Variants in KCMF1 observed in about 807,000 individuals in gnomAD.
KCMF1 encodes potassium channel modulatory factor 1, also known as E3 ubiquitin-protein ligase KCMF1.
In KCMF1, 3 loss-of-function variants were observed where a neutral mutation model predicts 41.1. The observed-to-expected ratio is 0.07, with a 90% confidence interval of 0.03 to 0.19. The LOEUF (loss-of-function observed/expected upper bound fraction) is 0.19. KCMF1 is among the 10% of genes least tolerant of loss of function. The pLI is 1.00. For synonymous variants in KCMF1, 142 were observed against 164.5 expected (o/e 0.86, Z 1.04); for missense variants, 286 against 488.9 (o/e 0.58, Z 3.91).
intron 1 of KCMF1, among the ~76,000 whole-genome samples, chr2:84,973,131 C>G (rs529034683): frequency 7.2e-5 from 11 of 152,314 alleles, no homozygotes; most frequent in Non-Finnish European, 1.3e-4. Context: ...GCTGCAAGCT[C>G]TCTTACTCTT....
chr2:84,973,700 C>G (rs1383703724), intron 1 of KCMF1, among the ~76,000 whole-genome samples: 1 of 152,088 alleles, frequency 6.6e-6, no homozygotes, highest in African/African-American at 2.4e-5. Flanking sequence ...AAGACTTTGA[C>G]CTATCAGTAA....
At chr2:85,023,949 T>C (rs1675018745) in intron 1 of KCMF1, among the ~76,000 whole-genome samples, 2 of 152,210 alleles carry the variant, frequency 1.3e-5, no homozygotes, top group Non-Finnish European at 2.9e-5. Context: ...TGCACTTCTT[T>C]GATGACTAAT....
chr2:85,013,053 G>A (rs942571762), intron 1 of KCMF1, among the ~76,000 whole-genome samples: 1 of 152,028 alleles, frequency 6.6e-6, no homozygotes, highest in African/African-American at 2.4e-5. Context: ...GTTGTGTCAG[G>A]GTGAGTCTGT....
intron 1 of KCMF1, among the ~76,000 whole-genome samples, chr2:84,993,423 T>C (rs1674094950): frequency 1.3e-5 from 2 of 151,986 alleles, no homozygotes; most frequent in Admixed American, 6.6e-5. Context: ...GATAATCACT[T>C]TTTTCTGTTG....
intron 1 of KCMF1, among the ~76,000 whole-genome samples, chr2:85,005,292 A>T (rs545442417): frequency 8.7e-5 from 13 of 149,184 alleles, no homozygotes; most frequent in Admixed American, 6.7e-4. Flanking sequence ...TTATTTATTT[A>T]TTTATTTTTT....
At chr2:85,048,720 T>C (rs1475069599) in intron 5 of KCMF1, among the ~76,000 whole-genome samples, 1 of 152,222 alleles carries the variant, frequency 6.6e-6, no homozygotes, top group African/African-American at 2.4e-5. Flanking sequence ...CTAAGTAGGC[T>C]GTACAGTCAG....
At chr2:85,036,653 G>A (rs1036239368) in intron 3 of KCMF1, among the ~76,000 whole-genome samples, 4 of 151,806 alleles carry the variant, frequency 2.6e-5, no homozygotes, top group African/African-American at 4.8e-5. Context: ...TTAGCTGGAC[G>A]TGGTGGCACA....
rs146981605 is a variant in KCMF1 at position 85,038,597 on chromosome 2, TTTC to T, written c.324+3460_324+3462del. Among the ~76,000 whole-genome samples the T allele has an allele frequency of 2.7e-3, 405 of 152,306 alleles. 2 individuals are homozygous for T. The highest frequency in any genetic ancestry group is 8.4e-3 in the African/African-American group (349 of 41,550). ...CATTTAGTTAACTCAGTAGAATGTC[TTTC>T]TTCTTCTTCTTCTTCTTTTTTTTCT... On this transcript the variant is annotated intron_variant, in intron 3 of 6. Coordinates refer to ENST00000409785, the MANE Select transcript of KCMF1 (RefSeq NM_020122.5).
chr2:84,979,302 C>T (rs1673641173), intron 1 of KCMF1, among the ~76,000 whole-genome samples: 1 of 152,108 alleles, frequency 6.6e-6, no homozygotes, highest in Non-Finnish European at 1.5e-5. Context: ...ATGGGTGGAT[C>T]ACTTAAGGTC....
intron 1 of KCMF1, among the ~76,000 whole-genome samples, chr2:85,016,961 C>T (rs1018665818): frequency 2.0e-5 from 3 of 151,870 alleles, no homozygotes; most frequent in African/African-American, 4.8e-5. Context: ...CCACTGCGCC[C>T]AGCCTAGTTC....
intron 1 of KCMF1, among the ~76,000 whole-genome samples, chr2:84,999,580 A>T (rs951780553): frequency 6.6e-6 from 1 of 152,262 alleles, no homozygotes; most frequent in African/African-American, 2.4e-5. Flanking sequence ...CCTACTTACA[A>T]TAAATAAGTT....
intron 6 of KCMF1, among the ~76,000 whole-genome samples, chr2:85,050,223 TA>T (rs1353397632): frequency 2.4e-4 from 36 of 152,318 alleles, no homozygotes; most frequent in African/African-American, 8.2e-4. Context: ...ATAGTACCCA[TA>T]AAACTTAAAC....
chr2:85,053,141 T>G lies in KCMF1; in HGVS notation c.885-7T>G. The G allele has an allele frequency of 6.2e-7, 1 of 1,609,820 alleles. No individual in the cohort carries two copies. Among genetic ancestry groups the G allele is most frequent in the South Asian group, 1.1e-5 (1 of 90,462 alleles). ...ACAATAAGGTCTTTTCTTTTTAACT[T>G]ACACAGGTTGAATGATCCTAAAATG... is the stretch of plus-strand genomic sequence containing the variant. On this transcript the variant is annotated splice_region_variant and splice_polypyrimidine_tract_variant and intron_variant, in intron 6 of 6. Coordinates refer to ENST00000409785, the MANE Select transcript of KCMF1 (RefSeq NM_020122.5).
chr2:84,977,158 T>C (rs1028692501), intron 1 of KCMF1, among the ~76,000 whole-genome samples: 23 of 152,124 alleles, frequency 1.5e-4, no homozygotes, highest in African/African-American at 5.1e-4. Context: ...GGATTACAGG[T>C]GTGAGCCATT....
chr2:84,974,524 A>T lies in KCMF1; in HGVS notation c.16+3057A>T, dbSNP rs1275504852. On this transcript the variant is annotated intron_variant, in intron 1 of 6. Coordinates refer to ENST00000409785, the MANE Select transcript of KCMF1 (RefSeq NM_020122.5). ...CCGGGTTCAGCATGCTTCTTCTGTAAAGGGCTAGGTGGCAAACATTGCAGG... is the reference window on the plus strand; with the variant it reads ...CCGGGTTCAGCATGCTTCTTCTGTATAGGGCTAGGTGGCAAACATTGCAGG... Among the ~76,000 whole-genome samples the T allele has an allele frequency of 5.3e-5, 8 of 151,238 alleles. No homozygotes were observed. In the East Asian group the frequency reaches 1.6e-3, roughly 29 times the overall value.
rs889772682 is a variant in KCMF1, at chr2:85,058,896, C to T, written c.*5487C>T. The T allele has an allele frequency of 1.3e-5, 2 of 152,178 alleles. No individual in the cohort carries two copies. The highest frequency in any genetic ancestry group is 4.8e-5 in the African/African-American group (2 of 41,430). 9.4% of individuals were successfully genotyped at this position (152,178 alleles called of 1,614,324 possible). A position where few individuals can be genotyped will look rare whatever the true frequency, so the allele number is the denominator to read the frequency against. The stretch of plus-strand genomic sequence containing the variant: ...AGTGAAGCCAGCCCAGAAGCATCCT[C>T]TTCTGTAAGCTGGATGGAGTCCCAG... On this transcript the variant is annotated 3_prime_UTR_variant, in exon 7 of 7. Coordinates refer to ENST00000409785, the MANE Select transcript of KCMF1 (RefSeq NM_020122.5).
chr2:84,985,086 A>G (rs1673868309), intron 1 of KCMF1, among the ~76,000 whole-genome samples: 1 of 152,178 alleles, frequency 6.6e-6, no homozygotes, highest in Non-Finnish European at 1.5e-5. Context: ...AAAGGAAAAA[A>G]AAATACGACT....
intron 3 of KCMF1, among the ~76,000 whole-genome samples, chr2:85,038,475 C>T (rs1244291227): frequency 6.6e-6 from 1 of 152,188 alleles, no homozygotes; most frequent in Non-Finnish European, 1.5e-5. Flanking sequence ...ACTTGAATTT[C>T]AGTCTTGTAT....
chr2:84,977,638 G>A (rs752890684), intron 1 of KCMF1, among the ~76,000 whole-genome samples: 23 of 151,412 alleles, frequency 1.5e-4, no homozygotes, highest in Middle Eastern at 3.4e-3. Flanking sequence ...GCCTAGGCTG[G>A]TCTCAAACTC....
Sources: gnomAD v4.1 joint callset for allele counts (sites outside exome capture counted in the v4.1 genomes callset) on GRCh38, gnomAD v4.1.1 for gene constraint, MANE v1.5 for transcripts, NCBI Gene and HGNC (gene_info 2026-07-23, HGNC 2026-07-21) for gene names.